The following RAB39A variants were observed in gnomAD, a reference collection of about 807,000 sequenced individuals.
The protein encoded by RAB39A is ras-related protein Rab-39A.
A neutral mutation model predicts 20.9 loss-of-function variants in RAB39A; 17 were observed. The observed-to-expected ratio is 0.81, with a 90% CI of 0.56 to 1.22. The LOEUF (loss-of-function observed/expected upper bound fraction) is 1.22. Ranked by LOEUF, RAB39A falls within the 50% of genes most tolerant of loss-of-function variation. The pLI, the probability that RAB39A is intolerant of heterozygous loss-of-function variation, is 0.00. For missense variants in RAB39A, 234 were observed against 270.5 expected, an observed-to-expected ratio of 0.87 and a Z score of 0.95; for synonymous variants, 99 against 103.4, an observed-to-expected ratio of 0.96 and a Z score of 0.26.
Position 107,962,480 on chromosome 11 carries a change from ACC to A in RAB39A, c.*110_*111del, listed in dbSNP as rs1406603579. 5.1e-5 allele frequency: 52 copies of A among 1,018,676 alleles called. No homozygotes were observed. The highest frequency in any genetic ancestry group is 7.2e-5 in the Non-Finnish European group (51 of 711,216). 63.1% of individuals were successfully genotyped at this position (1,018,676 alleles called of 1,614,324 possible). On this transcript the variant is annotated 3_prime_UTR_variant, in exon 2 of 2. Transcript: ENST00000320578. ...ATGAAAGAATTTAAAAAGGTTACAA[ACC>A]CACACCAATACTATTTTATAAGGTA...
Position 107,928,707 on chromosome 11 carries a change from G to T in RAB39A, c.139G>T (p.Val47Leu). 3.1e-6 allele frequency: 5 copies of T among 1,611,204 alleles called. No individual in the cohort carries two copies. The highest frequency in any genetic ancestry group is 4.2e-6 in the Non-Finnish European group (5 of 1,178,590). ...CCCCGCCTGCGACCCCACCGTCGGC[G>T]TGGACTTCTTCTCCCGCCTGCTGGA... ...RSPACDPTVG[V>L]DFFSRLLEIE... The change falls in exon 1 of 2, where the codon GTG becomes TTG. Residue 47 changes from valine to leucine, a missense_variant. Transcript: ENST00000320578. The surrounding 1 kb of genome is among the most constrained non-coding windows in gnomAD (Gnocchi z 4.9).
chr11:107,938,150 G>A (rs1432100490), intron 1 of RAB39A, among the ~76,000 whole-genome samples: 1 of 151,588 alleles, frequency 6.6e-6, no homozygotes, highest in Non-Finnish European at 1.5e-5. Flanking sequence ...ATCACCTGAG[G>A]TCAGGAGTTC....
chr11:107,954,584 T>C (rs775200793), intron 1 of RAB39A, among the ~76,000 whole-genome samples: 4 of 152,218 alleles, frequency 2.6e-5, no homozygotes, highest in Non-Finnish European at 5.9e-5. Context: ...AATGGAACTT[T>C]TCCACTGACC....
chr11:107,950,447 T>G (rs1202888630), intron 1 of RAB39A, among the ~76,000 whole-genome samples: 1 of 152,012 alleles, frequency 6.6e-6, no homozygotes, highest in African/African-American at 2.4e-5. Flanking sequence ...CCCAGTGCAG[T>G]TTTAAACACT....
At chr11:107,955,588 T>G (rs1439451047) in intron 1 of RAB39A, among the ~76,000 whole-genome samples, 1 of 152,162 alleles carries the variant, frequency 6.6e-6, no homozygotes, top group East Asian at 1.9e-4. Context: ...CCTGTAATCC[T>G]AGCACTTTGG....
At chr11:107,935,085 C>T (rs911384854) in intron 1 of RAB39A, among the ~76,000 whole-genome samples, 5 of 152,146 alleles carry the variant, frequency 3.3e-5, no homozygotes, top group Admixed American at 3.3e-4. Flanking sequence ...ATGCATCTTT[C>T]TCCTTGCCAG....
chr11:107,953,683 T>G (rs971417959), intron 1 of RAB39A, among the ~76,000 whole-genome samples: 4 of 152,186 alleles, frequency 2.6e-5, no homozygotes, highest in Admixed American at 2.6e-4. Context: ...TTTTAGTGAC[T>G]CATTAAGTGG....
chr11:107,933,813 G>T (rs527425142), intron 1 of RAB39A, among the ~76,000 whole-genome samples: 1 of 151,284 alleles, frequency 6.6e-6, no homozygotes, highest in African/African-American at 2.4e-5. Flanking sequence ...GGCGCCCCAA[G>T]CTCAACTAAT....
intron 1 of RAB39A, among the ~76,000 whole-genome samples, chr11:107,941,836 T>C (rs1861262172): frequency 6.6e-6 from 1 of 152,190 alleles, no homozygotes; most frequent in South Asian, 2.1e-4. Flanking sequence ...CTCACGCCTG[T>C]AATCCCAGCA....
At chr11:107,941,613 T>A (rs1209491088) in intron 1 of RAB39A, among the ~76,000 whole-genome samples, 1 of 152,186 alleles carries the variant, frequency 6.6e-6, no homozygotes, top group Non-Finnish European at 1.5e-5. Context: ...ACAGATCATA[T>A]AAAGTATTAG....
chr11:107,952,754 A>G (rs1861394491), intron 1 of RAB39A, among the ~76,000 whole-genome samples: 1 of 152,088 alleles, frequency 6.6e-6, no homozygotes, highest in Non-Finnish European at 1.5e-5. Context: ...GTGGTGGCAC[A>G]TGCCTGTAGT....
In RAB39A at chr11:107,928,683, C is replaced by A; in HGVS notation, c.115C>A (p.Pro39Thr). 6.2e-7 allele frequency: 1 copy of A among 1,612,272 alleles called. No homozygotes were observed. Among genetic ancestry groups the A allele is most frequent in the Non-Finnish European group, 8.5e-7 (1 of 1,179,096 alleles). ...GGGCCGCTTCCCCGGGCTGCGCTCC[C>A]CCGCCTGCGACCCCACCGTCGGCGT... is the stretch of plus-strand genomic sequence containing the variant. The part of the protein sequence containing the change: ...TQGRFPGLRS[P>T]ACDPTVGVDF... The change falls in exon 1 of 2, where the codon CCC becomes ACC. Residue 39 changes from proline to threonine, a missense_variant. Coordinates refer to ENST00000320578, the MANE Select transcript of RAB39A (RefSeq NM_017516.3). This position sits in a 1 kb window ranked among gnomAD's most constrained non-coding sequence, Gnocchi z 4.9.
chr11:107,946,636 C>G (rs1861321816), intron 1 of RAB39A, among the ~76,000 whole-genome samples: 1 of 150,020 alleles, frequency 6.7e-6, no homozygotes, highest in Non-Finnish European at 1.5e-5. Flanking sequence ...CCACGCCCAG[C>G]TAATTTTTTG....
At chr11:107,943,403 C>T (rs1861279205) in intron 1 of RAB39A, among the ~76,000 whole-genome samples, 1 of 151,918 alleles carries the variant, frequency 6.6e-6, no homozygotes, top group South Asian at 2.1e-4. Context: ...AACCCTGACT[C>T]TACTAAAAAT....
In RAB39A at chr11:107,928,852, C is replaced by A. The variant is rs951504069; in HGVS notation, c.227+57C>A. 34 of 1,389,094 alleles carry A rather than the reference C, an allele frequency of 2.4e-5. No homozygotes were observed. The highest frequency in any genetic ancestry group is 3.2e-5 in the Non-Finnish European group (33 of 1,035,430). The allele number at this position is 1,389,094 out of a possible 1,614,324, so 86.0% of individuals were successfully genotyped here. ...CGCCCCCTCAGCCCGCCCGGACGCC[C>A]CTTCCCCAGGCGTCCGCCCCGCCGG... On this transcript the variant is annotated intron_variant, in intron 1 of 1. Transcript: ENST00000320578. This position sits in a 1 kb window ranked among gnomAD's most constrained non-coding sequence, Gnocchi z 4.9.
intron 1 of RAB39A, among the ~76,000 whole-genome samples, chr11:107,958,494 C>T (rs1447682374): frequency 6.6e-6 from 1 of 152,174 alleles, no homozygotes; most frequent in African/African-American, 2.4e-5. Context: ...CTTCTTCCCC[C>T]AGATGATTGA....
intron 1 of RAB39A, among the ~76,000 whole-genome samples, chr11:107,937,739 T>C (rs1404061464): frequency 6.6e-6 from 1 of 152,084 alleles, no homozygotes; most frequent in Non-Finnish European, 1.5e-5. Flanking sequence ...GTTTGTGGAC[T>C]TCCCCTCTAG....
At chr11:107,961,833 C>T in intron 1 of RAB39A, 113 bp from the exon 2 acceptor site, 2 of 846,410 alleles carry the variant, frequency 2.4e-6, no homozygotes, top group South Asian at 2.0e-5. Context: ...TTTATAAATT[C>T]TAGTTAAATC....
chr11:107,932,725 G>GT (rs916190198), intron 1 of RAB39A, among the ~76,000 whole-genome samples: 1 of 152,076 alleles, frequency 6.6e-6, no homozygotes, highest in Non-Finnish European at 1.5e-5. Context: ...GTTTTGTTTT[G>GT]TTTTTTGAGA....
Sources: gnomAD v4.1 joint callset for allele counts (sites outside exome capture counted in the v4.1 genomes callset) on GRCh38, gnomAD v4.1.1 for gene constraint, Gnocchi (gnomAD v3.1) non-coding constraint, MANE v1.5 for transcripts, NCBI Gene and HGNC (gene_info 2026-07-23, HGNC 2026-07-21) for gene names.